UNC5C: variants seen among roughly 807,000 people sequenced by gnomAD.
UNC5C encodes netrin receptor UNC5C.
UNC5C carries 47 observed loss-of-function variants against 99.8 expected under a neutral mutation model. That is an observed-to-expected ratio of 0.47 (90% CI 0.37 to 0.60). The LOEUF (loss-of-function observed/expected upper bound fraction) is 0.60. Ranked by LOEUF, UNC5C falls within the 20% of genes least tolerant of loss-of-function variation. The pLI, the probability that UNC5C is intolerant of heterozygous loss-of-function variation, is 0.00. For missense variants in UNC5C, 1,062 were observed against 1,165.9 expected (o/e 0.91, Z 1.30); for synonymous variants, 487 against 452.2 (o/e 1.08, Z -0.98).
intron 1 of UNC5C, among the ~76,000 whole-genome samples, chr4:95,494,773 A>G (rs1350507942): frequency 6.6e-6 from 1 of 151,532 alleles, no homozygotes; most frequent in East Asian, 1.9e-4. Flanking sequence ...ATGCCTTTAA[A>G]GAGCAGAACT....
intron 1 of UNC5C, among the ~76,000 whole-genome samples, chr4:95,341,807 C>T (rs559760947): frequency 2.2e-4 from 34 of 152,234 alleles, no homozygotes; most frequent in Non-Finnish European, 4.4e-4. Flanking sequence ...TCCCAACTCC[C>T]AGCAGTAGCT....
chr4:95,349,386 C>CCACACA (rs150864607), intron 1 of UNC5C, among the ~76,000 whole-genome samples: 39 of 124,432 alleles, frequency 3.1e-4, no homozygotes, highest in Admixed American at 2.0e-3. Flanking sequence ...ACACACACAC[C>CCACACA]CACACACACA....
chr4:95,177,498 G>A (rs944162225), intron 14 of UNC5C, among the ~76,000 whole-genome samples: 6 of 152,162 alleles, frequency 3.9e-5, no homozygotes, highest in African/African-American at 1.2e-4. Context: ...AACTGCCTGT[G>A]TGCCAGTGTT....
chr4:95,242,676 A>C, intron 6 of UNC5C, 83 bp from the exon 7 acceptor site: 4 of 1,391,808 alleles, frequency 2.9e-6, no homozygotes, highest in Non-Finnish European at 3.8e-6. Context: ...ATAATACAAC[A>C]AAACAAAACA....
At chr4:95,353,203 G>C (rs535707526) in intron 1 of UNC5C, among the ~76,000 whole-genome samples, 1 of 152,026 alleles carries the variant, frequency 6.6e-6, no homozygotes, top group Non-Finnish European at 1.5e-5. Flanking sequence ...TGCAATTTGG[G>C]GGTCTCAATT....
At chr4:95,445,516 A>G (rs1747074580) in intron 1 of UNC5C, among the ~76,000 whole-genome samples, 1 of 152,180 alleles carries the variant, frequency 6.6e-6, no homozygotes, top group African/African-American at 2.4e-5. Flanking sequence ...AGTAACATAA[A>G]GTAAACAAAT....
intron 2 of UNC5C, among the ~76,000 whole-genome samples, chr4:95,310,489 A>ATT (rs1399472948): frequency 6.6e-6 from 1 of 152,172 alleles, no homozygotes; most frequent in African/African-American, 2.4e-5. Flanking sequence ...GTATATGTTA[A>ATT]TTAGCTTGAT....
At chr4:95,490,880 T>C (rs924195177) in intron 1 of UNC5C, among the ~76,000 whole-genome samples, 4 of 151,868 alleles carry the variant, frequency 2.6e-5, no homozygotes, top group Non-Finnish European at 4.4e-5. Flanking sequence ...TCTCGTTTCA[T>C]TGTACTAGGT....
intron 4 of UNC5C, among the ~76,000 whole-genome samples, chr4:95,274,536 C>T (rs1289838340): frequency 6.6e-6 from 1 of 152,060 alleles, no homozygotes; most frequent in African/African-American, 2.4e-5. Flanking sequence ...TTGGAAAGGG[C>T]TTAAAGAAGT....
chr4:95,197,517 A>G (rs956060458), intron 12 of UNC5C, among the ~76,000 whole-genome samples: 3 of 152,256 alleles, frequency 2.0e-5, no homozygotes, highest in Admixed American at 1.3e-4. Context: ...AGATGAAGTG[A>G]GAAGAGGCTG....
At chr4:95,542,775 A>C (rs1722950140) in intron 1 of UNC5C, among the ~76,000 whole-genome samples, 1 of 152,140 alleles carries the variant, frequency 6.6e-6, no homozygotes, top group African/African-American at 2.4e-5. Flanking sequence ...AAAAGGCAGA[A>C]ATTCTTCTGG....
Position 95,483,004 on chromosome 4 carries a change from T to TATAATA in UNC5C, c.124+65724_124+65729dup, listed in dbSNP as rs71970821. ...TGCACATGTACCCTAAAACTTAAAG[T>TATAATA]ATAATAATAATAATAATAATAATAA... is the stretch of plus-strand genomic sequence containing the variant. On this transcript the variant is annotated intron_variant, in intron 1 of 15. Coordinates refer to ENST00000453304, the MANE Select transcript of UNC5C (RefSeq NM_003728.4). Among the ~76,000 whole-genome samples, 240 of 103,424 alleles carry TATAATA rather than the reference T, an allele frequency of 2.3e-3. 1 individual carries two copies. The highest frequency in any genetic ancestry group is 8.0e-3 in the South Asian group (26 of 3,254). 67.9% of individuals were successfully genotyped at this position (103,424 alleles called of 152,430 possible). A position where few individuals can be genotyped will look rare whatever the true frequency, so the allele number is the denominator to read the frequency against.
At chr4:95,479,021 G>A (rs1049285004) in intron 1 of UNC5C, among the ~76,000 whole-genome samples, 1 of 151,950 alleles carries the variant, frequency 6.6e-6, no homozygotes, top group African/African-American at 2.4e-5. Flanking sequence ...GCTTCCTGAA[G>A]CCTCACCAGA....
chr4:95,315,559 GTTC>G (rs1346347691), intron 2 of UNC5C, among the ~76,000 whole-genome samples: 1 of 152,036 alleles, frequency 6.6e-6, no homozygotes, highest in Non-Finnish European at 1.5e-5. Flanking sequence ...GCAAAGTTTT[GTTC>G]TTCTTCCTTT....
chr4:95,532,896 G>C (rs1722687569), intron 1 of UNC5C, among the ~76,000 whole-genome samples: 1 of 132,344 alleles, frequency 7.6e-6, no homozygotes, highest in Non-Finnish European at 1.6e-5. Flanking sequence ...AAAGGTAACT[G>C]TTTAGTAAAG....
intron 1 of UNC5C, among the ~76,000 whole-genome samples, chr4:95,544,653 T>C (rs182757109): frequency 8.7e-4 from 132 of 152,310 alleles, no homozygotes; most frequent in African/African-American, 2.9e-3. Flanking sequence ...TGCACAATAA[T>C]TGCTTAAGAA....
chr4:95,528,831 G>A (rs564878644), intron 1 of UNC5C, among the ~76,000 whole-genome samples: 4 of 152,088 alleles, frequency 2.6e-5, no homozygotes, highest in Non-Finnish European at 5.9e-5. Context: ...GGAAAGAGGC[G>A]ATGAGAGGAT....
intron 2 of UNC5C, among the ~76,000 whole-genome samples, chr4:95,333,151 A>G (rs1487650043): frequency 6.6e-6 from 1 of 152,146 alleles, no homozygotes; most frequent in Non-Finnish European, 1.5e-5. Context: ...ACCATTGCGG[A>G]AGTCAGTGTG....
chr4:95,472,224 T>G (rs1278902733), intron 1 of UNC5C, among the ~76,000 whole-genome samples: 1 of 152,182 alleles, frequency 6.6e-6, no homozygotes, highest in Non-Finnish European at 1.5e-5. Flanking sequence ...TAAAGTATTT[T>G]AATTAATTTG....
Sources: allele counts gnomAD v4.1 joint callset (sites outside exome capture counted in the v4.1 genomes callset), GRCh38; gene constraint gnomAD v4.1.1; transcripts MANE v1.5; gene names NCBI Gene and HGNC (gene_info 2026-07-23, HGNC 2026-07-21).